HEG1: variants seen among roughly 807,000 people sequenced by gnomAD.
HEG1 encodes protein HEG homolog 1.
Under a neutral mutation model 125.6 loss-of-function variants are expected in HEG1, and 56 were observed. That is an observed-to-expected ratio of 0.45 (90% CI 0.36 to 0.56). The LOEUF (loss-of-function observed/expected upper bound fraction) is 0.56, where lower values mean the gene tolerates loss of function less well. Among genes scored for constraint, HEG1 ranks in the 20% least tolerant of loss-of-function variants. HEG1 has a pLI of 0.00. For missense variants in HEG1, 1,523 were observed against 1,670.0 expected, an observed-to-expected ratio of 0.91 and a Z score of 1.53; for synonymous variants, 644 against 668.5, an observed-to-expected ratio of 0.96 and a Z score of 0.57.
At chr3:124,977,811 T>C (rs751098371) in intron 15 of HEG1, 48 bp downstream of exon 15, 1 of 1,244,228 alleles carries the variant, frequency 8.0e-7, no homozygotes, top group Non-Finnish European at 1.2e-6. Context: ...GACCCTTGTA[T>C]AGCACAGGCA....
At chr3:125,041,567 A>G (rs563305138) in intron 1 of HEG1, among the ~76,000 whole-genome samples, 2 of 152,356 alleles carry the variant, frequency 1.3e-5, no homozygotes, top group South Asian at 4.1e-4. Flanking sequence ...CTTAAGAGTT[A>G]TGAGTTGATC....
Position 125,020,772 on chromosome 3 carries a change from A to C in HEG1, c.1252+20T>G. On this transcript the variant is annotated intron_variant, in intron 4 of 16. Transcript: ENST00000311127. ...ATTTACAAATGTCCCTAATAGATCA[A>C]GTAAAGATGGAATACTTACTTGGGG... 6.3e-7 allele frequency: 1 copy of C among 1,593,536 alleles called. No individual in the cohort carries two copies. Among genetic ancestry groups the C allele is most frequent in the South Asian group, 1.1e-5 (1 of 87,862 alleles).
intron 5 of HEG1, among the ~76,000 whole-genome samples, chr3:125,017,448 A>G (rs1052365992): frequency 6.6e-6 from 1 of 152,238 alleles, no homozygotes; most frequent in African/African-American, 2.4e-5. Context: ...AAGATATACA[A>G]GTGGCCAATA....
chr3:124,987,849 G>C (rs1289575348), intron 14 of HEG1, among the ~76,000 whole-genome samples: 1 of 149,532 alleles, frequency 6.7e-6, no homozygotes, highest in African/African-American at 2.4e-5. Flanking sequence ...AATATCTTAG[G>C]ATCAGGTCCG....
chr3:125,001,744 G>A (rs1937002483), intron 11 of HEG1, 108 bp downstream of exon 11: 5 of 1,223,842 alleles, frequency 4.1e-6, no homozygotes, highest in Non-Finnish European at 4.5e-6. Context: ...CCAAAAATAG[G>A]CTCTGTGAGG....
intron 3 of HEG1, among the ~76,000 whole-genome samples, chr3:125,026,347 C>G (rs545651368): frequency 6.6e-6 from 1 of 152,112 alleles, no homozygotes; most frequent in African/African-American, 2.4e-5. Flanking sequence ...ATTACAGTCT[C>G]TCTGGGCAGA....
intron 1 of HEG1, 25 bp downstream of exon 1, chr3:125,055,550 C>A (rs1452298568): frequency 1.7e-6 from 2 of 1,195,704 alleles, no homozygotes; most frequent in Non-Finnish European, 2.1e-6. Flanking sequence ...ACTGGCCAGG[C>A]GCCAGGTTCC....
chr3:124,990,277 C>A (rs1390866656), intron 14 of HEG1, among the ~76,000 whole-genome samples: 4 of 151,910 alleles, frequency 2.6e-5, no homozygotes, highest in African/African-American at 9.7e-5. Flanking sequence ...CCAGCCCAGA[C>A]CTTGAGCCCC....
chr3:125,043,734 G>A (rs960249529), intron 1 of HEG1, among the ~76,000 whole-genome samples: 1 of 152,126 alleles, frequency 6.6e-6, no homozygotes, highest in Non-Finnish European at 1.5e-5. Context: ...CGGGCCTTCC[G>A]GGTCTCCTGT....
chr3:125,007,390 C>T (rs1040656062), intron 8 of HEG1, among the ~76,000 whole-genome samples: 6 of 151,960 alleles, frequency 3.9e-5, no homozygotes, highest in Admixed American at 3.3e-4. Context: ...TACACCTTTA[C>T]GCCTGCAGTT....
chr3:125,026,357 A>T (rs1175172492), intron 3 of HEG1, among the ~76,000 whole-genome samples: 1 of 152,182 alleles, frequency 6.6e-6, no homozygotes, highest in African/African-American at 2.4e-5. Context: ...CTCTGGGCAG[A>T]GAGGCATTAG....
rs769667478 is a variant in HEG1, at chr3:125,005,223, GA to G, written c.3297+41del. The G allele has an allele frequency of 1.6e-5, 19 of 1,210,378 alleles. No individual in the cohort carries two copies. In the East Asian group the frequency reaches 4.3e-4, roughly 28 times the overall value. 75.0% of individuals were successfully genotyped at this position (1,210,378 alleles called of 1,614,324 possible). ...CCTCTTGGAATAAAATCTGTTCTAG[GA>G]AACAAAAGACGAGTAGAAAGATGCC... On this transcript the variant is annotated intron_variant, in intron 9 of 16. Transcript: ENST00000311127.
In HEG1 at chr3:125,001,927, G is replaced by T. The variant is rs764354428; in HGVS notation, c.3442C>A (p.Gln1148Lys). The change falls in exon 11 of 17, where the codon CAG becomes AAG. Residue 1148 changes from glutamine (Q) to lysine (K), a missense_variant. Physicochemically the swap from Gln to Lys is moderately conservative, Grantham distance 53 (BLOSUM62 1). Transcript: ENST00000311127. ...VTLFDLADRMQKCVNSCKSSA... is the reference protein window; with the variant it reads ...VTLFDLADRMKKCVNSCKSSA... ...GACTTGCAGGAGTTGACACATTTCT[G>T]CATCCTATCAGCCAGGTCAAATAGC... The T allele has an allele frequency of 6.2e-7, 1 of 1,613,946 alleles. No homozygotes were observed. Among genetic ancestry groups the T allele is most frequent in the Non-Finnish European group, 8.5e-7 (1 of 1,179,880 alleles).
chr3:124,975,349 C>G (rs1472591209), intron 15 of HEG1, among the ~76,000 whole-genome samples: 1 of 152,186 alleles, frequency 6.6e-6, no homozygotes, highest in African/African-American at 2.4e-5. Flanking sequence ...ATAATTTTCC[C>G]TTATCTGAAT....
At chr3:124,996,991 A>T (rs540465410) in intron 12 of HEG1, among the ~76,000 whole-genome samples, 87 of 152,340 alleles carry the variant, frequency 5.7e-4, no homozygotes, top group Non-Finnish European at 1.0e-3. Context: ...CCTGAAACTA[A>T]ATGAATTTAA....
At chr3:125,006,907 T>C (rs913316352) in intron 8 of HEG1, among the ~76,000 whole-genome samples, 5 of 152,170 alleles carry the variant, frequency 3.3e-5, no homozygotes, top group Non-Finnish European at 7.4e-5. Flanking sequence ...TGTATAGAAA[T>C]TCACATCGCA....
intron 1 of HEG1, among the ~76,000 whole-genome samples, chr3:125,033,910 T>A (rs2981539): frequency 0.48 from 73,598 of 151,780 alleles, 18,392 homozygotes; most frequent in Middle Eastern, 0.63. Flanking sequence ...CGTATGAGAA[T>A]CTAATGCCTG....
intron 5 of HEG1, 66 bp from the exon 6 acceptor site, chr3:125,014,056 C>T (rs1937205927): frequency 5.1e-6 from 7 of 1,360,364 alleles, no homozygotes; most frequent in Non-Finnish European, 6.9e-6. Flanking sequence ...TATGCACTAT[C>T]AAACAGACTT....
In HEG1 at chr3:125,055,678, C is replaced by T. The variant is rs1579445138; in HGVS notation, c.213G>A (p.Glu71=). 13 of 1,144,760 alleles carry T rather than the reference C, an allele frequency of 1.1e-5. No individual in the cohort carries two copies. The South Asian group carries it at 4.2e-4, about 37-fold the overall frequency. 70.9% of individuals were successfully genotyped at this position (1,144,760 alleles called of 1,614,324 possible). A position where few individuals can be genotyped will look rare whatever the true frequency, so the allele number is the denominator to read the frequency against. Residue 71 remains glutamate (E), a synonymous_variant, in exon 1 of 17, where the codon GAG becomes GAA. Coordinates refer to ENST00000311127, the MANE Select transcript of HEG1 (RefSeq NM_020733.2). ...EREPPPTPPR[E]RRGPATPGPS... is the part of the protein sequence containing the mutation. Reference sequence around the variant, plus strand: ...GGCCGGGGGTCGCGGGCCCGCGGCGCTCCCGGGGCGGCGTGGGCGGCGGCT... The same window carrying T: ...GGCCGGGGGTCGCGGGCCCGCGGCGTTCCCGGGGCGGCGTGGGCGGCGGCT...
Sources: gnomAD v4.1 joint callset for allele counts (sites outside exome capture counted in the v4.1 genomes callset) on GRCh38, gnomAD v4.1.1 for gene constraint, MANE v1.5 for transcripts, NCBI Gene and HGNC (gene_info 2026-07-23, HGNC 2026-07-21) for gene names.